Variants in NLGN1 observed in about 807,000 individuals in gnomAD.
NLGN1 encodes the protein neuroligin-1.
NLGN1 carries 12 observed loss-of-function variants against 65.5 expected under a neutral mutation model. That is an observed-to-expected ratio of 0.18 (90% CI 0.12 to 0.30). NLGN1 has a LOEUF of 0.30. Among genes scored for constraint, NLGN1 ranks in the 10% least tolerant of loss-of-function variants. The pLI is 1.00. For synonymous variants in NLGN1, 350 were observed against 359.5 expected, an observed-to-expected ratio of 0.97 and a Z score of 0.30; for missense variants, 750 against 1,007.1, an observed-to-expected ratio of 0.74 and a Z score of 3.46.
chr3:173,585,032 AGGGTAAGTTTGT>A (rs970215634), intron 2 of NLGN1: 1 of 151,988 alleles, frequency 6.6e-6, no homozygotes, highest in Non-Finnish European at 1.5e-5. Flanking sequence ...TATCTTGCTG[AGGGTAAGTTTGT>A]GGCTCTTTTA....
intron 4 of NLGN1, among the ~76,000 whole-genome samples, chr3:174,076,722 AGAGTGTGTGT>A (rs1560985668): frequency 5.8e-5 from 6 of 102,888 alleles, no homozygotes; most frequent in Admixed American, 9.1e-5. Flanking sequence ...AGAGAGAGAG[AGAGTGTGTGT>A]GTGTGTGTGT....
chr3:174,066,564 C>CTCTCTCTGTG (rs1553925385), intron 4 of NLGN1, among the ~76,000 whole-genome samples: 66 of 100,074 alleles, frequency 6.6e-4, no homozygotes, highest in East Asian at 4.1e-3. Flanking sequence ...CTCTCTCTCT[C>CTCTCTCTGTG]TGTGTGTGTG....
chr3:173,454,575 G>A (rs976561515), intron 2 of NLGN1, among the ~76,000 whole-genome samples: 1 of 146,046 alleles, frequency 6.8e-6, no homozygotes, highest in Middle Eastern at 3.4e-3. Context: ...GTGTTATGGA[G>A]GACATCTTCT....
chr3:173,670,376 C>T lies in NLGN1; in HGVS notation c.493+65285C>T, dbSNP rs186295782. ...AGTAAGGACAAAAACAGTGATGTGT[C>T]ATTCATTTGTTTACAGGAGGATTAT... On this transcript the variant is annotated intron_variant, in intron 3 of 6. Transcript: ENST00000457714. 5.8e-4 allele frequency among the ~76,000 whole-genome samples: 88 copies of T among 152,210 alleles called. No homozygotes were observed. The Middle Eastern group carries it at 0.014, about 24-fold the overall frequency.
chr3:173,878,772 G>T (rs1457620032), intron 4 of NLGN1, among the ~76,000 whole-genome samples: 1 of 151,790 alleles, frequency 6.6e-6, no homozygotes, highest in Non-Finnish European at 1.5e-5. Context: ...TAGGGATATA[G>T]CAGAGAAGAA....
chr3:174,257,631 T>C (rs80307525), intron 4 of NLGN1, among the ~76,000 whole-genome samples: 2,769 of 151,906 alleles, frequency 0.018, 60 homozygotes, highest in African/African-American at 0.042. Flanking sequence ...TGGGAGCCAT[T>C]ACCCTCAACA....
chr3:173,731,350 A>G (rs1772810605), intron 3 of NLGN1, among the ~76,000 whole-genome samples: 2 of 152,102 alleles, frequency 1.3e-5, no homozygotes, highest in South Asian at 4.1e-4. Flanking sequence ...ATTTTGTAAA[A>G]TCATTTAAAT....
intron 2 of NLGN1, among the ~76,000 whole-genome samples, chr3:173,570,082 C>A (rs145922686): frequency 3.9e-5 from 6 of 152,200 alleles, no homozygotes; most frequent in African/African-American, 1.4e-4. Flanking sequence ...TAACCCCAAC[C>A]TATCTTGGGA....
intron 4 of NLGN1, among the ~76,000 whole-genome samples, chr3:174,246,005 T>C (rs189335117): frequency 6.6e-5 from 10 of 152,334 alleles, no homozygotes; most frequent in Admixed American, 1.3e-4. Flanking sequence ...GTTTCTATTA[T>C]GTGACAAGCC....
intron 3 of NLGN1, among the ~76,000 whole-genome samples, chr3:173,664,471 T>C (rs1335954053): frequency 6.6e-6 from 1 of 152,226 alleles, no homozygotes; most frequent in East Asian, 1.9e-4. Flanking sequence ...TATAGTCACA[T>C]CATCTGTTTA....
chr3:173,865,410 C>T (rs1729937198), intron 4 of NLGN1, among the ~76,000 whole-genome samples: 1 of 152,036 alleles, frequency 6.6e-6, no homozygotes. Context: ...TTGCTTAGTT[C>T]TTACATGTAC....
intron 3 of NLGN1, among the ~76,000 whole-genome samples, chr3:173,704,205 C>T (rs1166336080): frequency 6.6e-6 from 1 of 152,144 alleles, no homozygotes; most frequent in African/African-American, 2.4e-5. Context: ...ATAAGTGTGG[C>T]ACATAGAAGT....
intron 2 of NLGN1, among the ~76,000 whole-genome samples, chr3:173,500,967 T>C (rs1011754165): frequency 3.3e-5 from 5 of 152,168 alleles, no homozygotes; most frequent in Admixed American, 2.6e-4. Context: ...TGCTTGCACA[T>C]GGTAGACACT....
intron 2 of NLGN1, among the ~76,000 whole-genome samples, chr3:173,481,366 CA>C (rs1384705306): frequency 6.6e-6 from 1 of 151,922 alleles, no homozygotes; most frequent in African/African-American, 2.4e-5. Flanking sequence ...ACATAAACTG[CA>C]ATGCAGAACT....
chr3:173,505,438 T>C (rs140768579), intron 2 of NLGN1, among the ~76,000 whole-genome samples: 2 of 152,242 alleles, frequency 1.3e-5, no homozygotes, highest in East Asian at 1.9e-4. Flanking sequence ...CCTATAATTC[T>C]TTAATTAGTG....
intron 3 of NLGN1, among the ~76,000 whole-genome samples, chr3:173,626,046 C>T (rs913937607): frequency 6.6e-6 from 1 of 151,996 alleles, no homozygotes; most frequent in Non-Finnish European, 1.5e-5. Context: ...CTGTTTATAA[C>T]CTGTATATTA....
intron 4 of NLGN1, among the ~76,000 whole-genome samples, chr3:174,168,266 G>A (rs960427858): frequency 2.4e-4 from 36 of 151,952 alleles, no homozygotes; most frequent in African/African-American, 8.0e-4. Context: ...ACAATTCTTT[G>A]GTGGTGTCAC....
intron 2 of NLGN1, among the ~76,000 whole-genome samples, chr3:173,495,944 T>C (rs1308493173): frequency 6.6e-6 from 1 of 151,844 alleles, no homozygotes; most frequent in Non-Finnish European, 1.5e-5. Flanking sequence ...TTATTCAGTA[T>C]AAGGTTTTTT....
intron 2 of NLGN1, among the ~76,000 whole-genome samples, chr3:173,501,426 T>C (rs1731105555): frequency 1.3e-5 from 2 of 152,164 alleles, no homozygotes; most frequent in African/African-American, 4.8e-5. Context: ...ATAATTACTT[T>C]GTAAGAACCT....
Sources: allele counts gnomAD v4.1 joint callset (sites outside exome capture counted in the v4.1 genomes callset), GRCh38; gene constraint gnomAD v4.1.1; transcripts MANE v1.5; gene names NCBI Gene and HGNC (gene_info 2026-07-23, HGNC 2026-07-21).